The following TMEM39B variants were observed in gnomAD, a reference collection of about 807,000 sequenced individuals.
TMEM39B encodes the protein transmembrane protein 39B.
TMEM39B carries 23 observed loss-of-function variants against 52.2 expected under a neutral mutation model. The ratio of observed to expected loss-of-function variants is 0.44; its 90% CI spans 0.32 to 0.62. The LOEUF is 0.62. Among genes scored for constraint, TMEM39B ranks in the 20% least tolerant of loss-of-function variants. TMEM39B has a pLI of 0.06. For synonymous variants in TMEM39B, 285 were observed against 264.0 expected (o/e 1.08, Z -0.77); for missense variants, 547 against 642.0 (o/e 0.85, Z 1.60).
At chr1:32,101,382 T>G (rs72666739) in intron 8 of TMEM39B, among the ~76,000 whole-genome samples, 357 of 152,234 alleles carry the variant, frequency 2.3e-3, no homozygotes, top group Non-Finnish European at 4.2e-3. Context: ...CAAAATTATC[T>G]AAACTAGTGA....
intron 1 of TMEM39B, chr1:32,073,694 T>TG: frequency 1.0e-6 from 1 of 985,378 alleles, no homozygotes; most frequent in Non-Finnish European, 1.2e-6. Context: ...GCTTCTGGTC[T>TG]GGGGGTTTAT....
At chr1:32,077,380 C>A in intron 5 of TMEM39B, 62 bp downstream of exon 5, 1 of 1,585,148 alleles carries the variant, frequency 6.3e-7, no homozygotes, top group Non-Finnish European at 8.6e-7. Context: ...CTGCCCTGAC[C>A]GTAGCTGGCT....
Position 32,075,842 on chromosome 1 carries a change from G to A in TMEM39B, c.351+20G>A. Reference sequence around the variant, plus strand: ...TCCCTGGTAGGTACCCAACAAGGGTGTGTGTGTGTGTGTGTGTGTGTGCGT... The same window carrying A: ...TCCCTGGTAGGTACCCAACAAGGGTATGTGTGTGTGTGTGTGTGTGTGCGT... On this transcript the variant is annotated intron_variant, in intron 3 of 8. Coordinates refer to ENST00000336294, the MANE Select transcript of TMEM39B (RefSeq NM_018056.4). The A allele has an allele frequency of 2.7e-6, 3 of 1,127,468 alleles. No homozygotes were observed. Among genetic ancestry groups the A allele is most frequent in the Non-Finnish European group, 2.4e-6 (2 of 832,322 alleles). 69.8% of individuals were successfully genotyped at this position (1,127,468 alleles called of 1,614,324 possible). A position where few individuals can be genotyped will look rare whatever the true frequency, so the allele number is the denominator to read the frequency against.
chr1:32,083,238 C>T (rs1312729360), intron 5 of TMEM39B, among the ~76,000 whole-genome samples: 2 of 151,102 alleles, frequency 1.3e-5, no homozygotes, highest in African/African-American at 2.4e-5. Flanking sequence ...CATGCGCCAC[C>T]ATGCCCAGCT....
In TMEM39B at chr1:32,102,754, T is replaced by G. The variant is rs1015583208; in HGVS notation, c.*81T>G. ...AGGGGCTGTTGGGTAGAAGTGGTGG[T>G]GGGGGGGACAAAAGACAAAAAAATC... On this transcript the variant is annotated 3_prime_UTR_variant, in exon 9 of 9. Transcript: ENST00000336294. 9.9e-5 allele frequency: 137 copies of G among 1,378,588 alleles called. No homozygotes were observed. Among genetic ancestry groups the G allele is most frequent in the East Asian group, 1.6e-4 (6 of 38,538 alleles). The allele number at this position is 1,378,588 out of a possible 1,614,324, so 85.4% of individuals were successfully genotyped here.
chr1:32,089,568 CAG>C (rs1427492817), intron 5 of TMEM39B, among the ~76,000 whole-genome samples: 3 of 151,730 alleles, frequency 2.0e-5, no homozygotes, highest in African/African-American at 7.3e-5. Context: ...GACTGGAAAA[CAG>C]AAACTCAGGG....
At chr1:32,086,116 A>G (rs1268213549) in intron 5 of TMEM39B, among the ~76,000 whole-genome samples, 4 of 152,132 alleles carry the variant, frequency 2.6e-5, no homozygotes, top group Non-Finnish European at 4.4e-5. Context: ...CAGTTTACTC[A>G]ATTTCTTTAG....
intron 4 of TMEM39B, 140 bp from the exon 5 acceptor site, chr1:32,077,024 A>G: frequency 3.0e-6 from 4 of 1,335,784 alleles, no homozygotes; most frequent in Non-Finnish European, 3.1e-6. Flanking sequence ...AAAGAGAAGG[A>G]TTTACCTTGC....
intron 5 of TMEM39B, among the ~76,000 whole-genome samples, chr1:32,081,803 A>G (rs1230086189): frequency 6.6e-6 from 1 of 152,178 alleles, no homozygotes; most frequent in Non-Finnish European, 1.5e-5. Context: ...TTACATAGTT[A>G]AAATTCAGAA....
Position 32,097,295 on chromosome 1 carries a change from G to A in TMEM39B, c.1115+2324G>A, listed in dbSNP as rs1320294693. ...TCACGAGAGGTTAGTTTTGCCTGTT[G>A]TAGAACTTAATATAAATGAAATCGT... On this transcript the variant is annotated intron_variant, in intron 7 of 8. Coordinates refer to ENST00000336294, the MANE Select transcript of TMEM39B (RefSeq NM_018056.4). Among the ~76,000 whole-genome samples the A allele has an allele frequency of 2.0e-5, 3 of 149,988 alleles. No homozygotes were observed. The East Asian group carries it at 5.9e-4, about 29-fold the overall frequency.
intron 5 of TMEM39B, among the ~76,000 whole-genome samples, chr1:32,079,991 G>A (rs1640027468): frequency 6.6e-6 from 1 of 151,672 alleles, no homozygotes; most frequent in Non-Finnish European, 1.5e-5. Context: ...CTGGTCTCAG[G>A]TGATCCGCCT....
chr1:32,085,583 T>G (rs1044913787), intron 5 of TMEM39B, among the ~76,000 whole-genome samples: 1 of 152,054 alleles, frequency 6.6e-6, no homozygotes, highest in African/African-American at 2.4e-5. Flanking sequence ...AAACCCTGTC[T>G]CTACTAAAAA....
chr1:32,077,801 T>C (rs561082658), intron 5 of TMEM39B, among the ~76,000 whole-genome samples: 1 of 152,284 alleles, frequency 6.6e-6, no homozygotes, highest in South Asian at 2.1e-4. Context: ...GCATGAAGCA[T>C]GTGTGTGTGC....
At chr1:32,076,371 A>G (rs1189824713) in intron 3 of TMEM39B, 2 of 343,422 alleles carry the variant, frequency 5.8e-6, no homozygotes, top group African/African-American at 2.1e-5. Context: ...TCAGCCTCCC[A>G]AAGTGCTGGG....
At chr1:32,085,844 T>C (rs182682586) in intron 5 of TMEM39B, among the ~76,000 whole-genome samples, 185 of 152,274 alleles carry the variant, frequency 1.2e-3, no homozygotes, top group Admixed American at 3.1e-3. Flanking sequence ...CCAAGTATAG[T>C]TGGCTTGTTT....
chr1:32,081,725 G>A (rs1640108025), intron 5 of TMEM39B, among the ~76,000 whole-genome samples: 1 of 152,040 alleles, frequency 6.6e-6, no homozygotes, highest in African/African-American at 2.4e-5. Flanking sequence ...TCCAGCCTGG[G>A]CAATAGAGTG....
chr1:32,082,811 G>T (rs1156322173), intron 5 of TMEM39B, among the ~76,000 whole-genome samples: 4 of 151,010 alleles, frequency 2.6e-5, no homozygotes, highest in Non-Finnish European at 5.9e-5. Flanking sequence ...GTCTCGCTCT[G>T]TCGCCCAGGC....
Position 32,072,955 on chromosome 1 carries a change from C to G in TMEM39B, c.-93C>G. On this transcript the variant is annotated 5_prime_UTR_variant, in exon 1 of 9. Coordinates refer to ENST00000336294, the MANE Select transcript of TMEM39B (RefSeq NM_018056.4). ...CGCGCGGCTGATACCCGGGACTGGGCTGCGGCGGTTAGTCCTCTCCCGGCC... is the reference window on the plus strand; with the variant it reads ...CGCGCGGCTGATACCCGGGACTGGGGTGCGGCGGTTAGTCCTCTCCCGGCC... 6.1e-6 allele frequency: 9 copies of G among 1,484,108 alleles called. No individual in the cohort carries two copies. Among genetic ancestry groups the G allele is most frequent in the Non-Finnish European group, 8.2e-6 (9 of 1,103,386 alleles). The allele number at this position is 1,484,108 out of a possible 1,614,324, so 91.9% of individuals were successfully genotyped here. A position where few individuals can be genotyped will look rare whatever the true frequency, so the allele number is the denominator to read the frequency against.
chr1:32,080,442 GA>G, intron 5 of TMEM39B, among the ~76,000 whole-genome samples: 1 of 151,616 alleles, frequency 6.6e-6, no homozygotes, highest in Middle Eastern at 3.4e-3. Flanking sequence ...GAGGCGGGTG[GA>G]TCACGAGGTC....
Sources: gnomAD v4.1 joint callset for allele counts (sites outside exome capture counted in the v4.1 genomes callset) on GRCh38, gnomAD v4.1.1 for gene constraint, MANE v1.5 for transcripts, NCBI Gene and HGNC (gene_info 2026-07-23, HGNC 2026-07-21) for gene names.